Variants in LONP2 observed in about 807,000 individuals in gnomAD.
The protein encoded by LONP2 is lon protease homolog 2, peroxisomal.
LONP2 carries 60 observed loss-of-function variants against 85.6 expected under a neutral mutation model. That is an observed-to-expected ratio of 0.70 (90% CI 0.57 to 0.87). The LOEUF is 0.87. Ranked by LOEUF, LONP2 falls within the 40% of genes least tolerant of loss-of-function variation. The pLI is 0.00. For synonymous variants in LONP2, 395 were observed against 389.7 expected (o/e 1.01, Z -0.16); for missense variants, 860 against 1,063.5 (o/e 0.81, Z 2.66).
At chr16:48,267,829 T>G (rs1168566867) in intron 6 of LONP2, among the ~76,000 whole-genome samples, 1 of 152,304 alleles carries the variant, frequency 6.6e-6, no homozygotes, top group African/African-American at 2.4e-5. Context: ...TTGGCCAGGC[T>G]GGTCTCGAAC....
chr16:48,340,750 C>T (rs1391449829), intron 12 of LONP2, among the ~76,000 whole-genome samples: 1 of 150,750 alleles, frequency 6.6e-6, no homozygotes, highest in Admixed American at 6.6e-5. Flanking sequence ...CGCTTGAGTT[C>T]GAGACCAACC....
intron 7 of LONP2, among the ~76,000 whole-genome samples, chr16:48,273,556 A>G (rs1972147236): frequency 6.6e-6 from 1 of 152,120 alleles, no homozygotes. Context: ...TCTCATTTGG[A>G]TTTATCTCCA....
chr16:48,282,531 C>A lies in LONP2; in HGVS notation c.1383+5052C>A, dbSNP rs571672896. On this transcript the variant is annotated intron_variant, in intron 8 of 14. Coordinates refer to ENST00000285737, the MANE Select transcript of LONP2 (RefSeq NM_031490.5). ...GTATGTCACATTTTGGTAGTTATTG[C>A]AATATTTTTAACTTTTTCATTATTA... 2.6e-5 allele frequency among the ~76,000 whole-genome samples: 4 copies of A among 151,914 alleles called. No individual in the cohort carries two copies. The East Asian group carries it at 7.7e-4, about 29-fold the overall frequency.
intron 6 of LONP2, among the ~76,000 whole-genome samples, chr16:48,264,429 A>G (rs1206214899): frequency 1.3e-5 from 2 of 152,252 alleles, no homozygotes; most frequent in Admixed American, 1.3e-4. Flanking sequence ...AAGAAGAGAA[A>G]TATGGCTCTG....
At position 48,348,213 on chromosome 16, in the gene LONP2, T is replaced by C. The variant is rs1305926143; in HGVS notation, c.2260T>C (p.Ser754Pro). The C allele has an allele frequency of 1.9e-6, 3 of 1,612,412 alleles. No homozygotes were observed. The highest frequency in any genetic ancestry group is 3.4e-5 in the Admixed American group (2 of 59,490). Residue 754 changes from serine to proline, a missense_variant, in exon 14 of 15, where the codon TCA becomes CCA. Physicochemically the swap from Ser to Pro is moderately conservative, Grantham distance 74. Transcript: ENST00000285737. ...AGTTACCATAGTAACCTGTCTCGCC[T>C]CACTTTTTAGTGGGCGGCTGGTACG... ...AGVTIVTCLA[S>P]LFSGRLVRSD...
chr16:48,256,572 C>A, intron 2 of LONP2, 38 bp from the exon 3 acceptor site: 1 of 1,601,608 alleles, frequency 6.2e-7, no homozygotes, highest in East Asian at 2.2e-5. Flanking sequence ...ACAAATAATG[C>A]CAGATTTCAT....
intron 14 of LONP2, 118 bp from the exon 15 acceptor site, chr16:48,351,460 GGAA>G: frequency 2.7e-6 from 2 of 740,540 alleles, no homozygotes; most frequent in Non-Finnish European, 4.3e-6. Flanking sequence ...ATAACAAAAC[GGAA>G]GATGATTTGG....
intron 6 of LONP2, 42 bp downstream of exon 6, chr16:48,262,914 C>A: frequency 8.3e-7 from 1 of 1,202,484 alleles, no homozygotes; most frequent in Non-Finnish European, 1.2e-6. Context: ...CTAATTGTCA[C>A]TCAGAAAGCT....
intron 11 of LONP2, among the ~76,000 whole-genome samples, chr16:48,332,437 C>T (rs1248832294): frequency 6.6e-6 from 1 of 152,010 alleles, no homozygotes; most frequent in East Asian, 1.9e-4. Flanking sequence ...TTAGGCCAGG[C>T]TCAGTGGCTC....
chr16:48,254,277 T>G (rs1368965101), intron 2 of LONP2, among the ~76,000 whole-genome samples: 1 of 152,208 alleles, frequency 6.6e-6, no homozygotes, highest in African/African-American at 2.4e-5. Context: ...CTAGCTCTAC[T>G]GAATGTAAAA....
At chr16:48,331,766 G>A (rs936874188) in intron 11 of LONP2, among the ~76,000 whole-genome samples, 1 of 152,056 alleles carries the variant, frequency 6.6e-6, no homozygotes, top group Admixed American at 6.6e-5. Flanking sequence ...GGGTTTCACT[G>A]TGTTAGCCAG....
intron 5 of LONP2, among the ~76,000 whole-genome samples, chr16:48,262,165 T>A (rs1971892061): frequency 6.6e-6 from 1 of 152,190 alleles, no homozygotes; most frequent in Non-Finnish European, 1.5e-5. Context: ...GTAGAACATT[T>A]ATTATGTGCA....
chr16:48,305,018 C>T (rs1469666536), intron 11 of LONP2, among the ~76,000 whole-genome samples: 1 of 152,218 alleles, frequency 6.6e-6, no homozygotes, highest in Admixed American at 6.5e-5. Flanking sequence ...GTGCATTTTA[C>T]AGCAGTAGCA....
intron 11 of LONP2, among the ~76,000 whole-genome samples, chr16:48,308,114 A>T (rs1006866440): frequency 6.6e-6 from 1 of 152,232 alleles, no homozygotes; most frequent in African/African-American, 2.4e-5. Flanking sequence ...AGTAACCAAA[A>T]CAGCATGGTA....
At chr16:48,277,854 C>G (rs1164994120) in intron 8 of LONP2, among the ~76,000 whole-genome samples, 1 of 150,910 alleles carries the variant, frequency 6.6e-6, no homozygotes, top group African/African-American at 2.4e-5. Context: ...GTTGATTAAC[C>G]CTATTTTCAA....
At chr16:48,359,484 G>A (rs1262948118), downstream of LONP2, among the ~76,000 whole-genome samples, 2 of 152,152 alleles carry the variant, frequency 1.3e-5, no homozygotes, top group African/African-American at 2.4e-5. Context: ...CAGCACTTGG[G>A]AGGCAGGCGG....
At chr16:48,322,034 C>T (rs184006591) in intron 11 of LONP2, among the ~76,000 whole-genome samples, 3 of 150,824 alleles carry the variant, frequency 2.0e-5, no homozygotes, top group African/African-American at 7.3e-5. Context: ...GATCCTTCTA[C>T]CTCATCCTCC....
At chr16:48,283,962 A>G (rs2030734504) in intron 8 of LONP2, among the ~76,000 whole-genome samples, 1 of 152,196 alleles carries the variant, frequency 6.6e-6, no homozygotes, top group Admixed American at 6.5e-5. Context: ...ATCAACATGA[A>G]CAGGAGTTCA....
intron 9 of LONP2, among the ~76,000 whole-genome samples, chr16:48,297,477 T>C (rs762113350): frequency 2.0e-4 from 31 of 151,866 alleles, no homozygotes; most frequent in Admixed American, 3.9e-4. Flanking sequence ...ACCTGGCTAA[T>C]TTTTGCATTG....
Sources: allele counts gnomAD v4.1 joint callset (sites outside exome capture counted in the v4.1 genomes callset), GRCh38; gene constraint gnomAD v4.1.1; transcripts MANE v1.5; gene names NCBI Gene and HGNC (gene_info 2026-07-23, HGNC 2026-07-21).